Variants in WHR1 observed in about 807,000 individuals in gnomAD.
WHR1 encodes winged helix repair factor 1, also known as MHC class III HLA-RP1.
chr6:31,972,733 C>T, the WHR1 span: 12 of 1,613,118 alleles, frequency 7.4e-6, no homozygotes, highest in African/African-American at 1.6e-4. The surrounding 1 kb of genome is among the most constrained non-coding windows in gnomAD (Gnocchi z 6.3). Flanking sequence ...TTGTGCCTGA[C>T]AGGACCGTGG....
chr6:31,972,594 T>A, the WHR1 span: 1 of 1,599,412 alleles, frequency 6.3e-7, no homozygotes, highest in Non-Finnish European at 8.6e-7. This position sits in a 1 kb window ranked among gnomAD's most constrained non-coding sequence, Gnocchi z 6.3. Flanking sequence ...CCCAGTTCCC[T>A]GTCCGTGAGC....
the WHR1 span, chr6:31,972,210 G>A: frequency 6.2e-7 from 1 of 1,612,564 alleles, no homozygotes; most frequent in South Asian, 1.1e-5. This position sits in a 1 kb window ranked among gnomAD's most constrained non-coding sequence, Gnocchi z 6.3. Context: ...TGGCGGAGGT[G>A]ATGCTGGTAT....
At chr6:31,971,436 G>A in the WHR1 span, 1 of 1,611,698 alleles carries the variant, frequency 6.2e-7, no homozygotes, top group Non-Finnish European at 8.5e-7. This position sits in a 1 kb window ranked among gnomAD's most constrained non-coding sequence, Gnocchi z 4.5. Context: ...GGTCAAAGTT[G>A]GGGCCTGGAC....
the WHR1 span, chr6:31,979,152 G>A: frequency 1.4e-6 from 1 of 700,420 alleles, no homozygotes; most frequent in African/African-American, 1.8e-5. Flanking sequence ...GTAATATGAG[G>A]GAGAGAGACA....
At chr6:31,979,716 C>G in the WHR1 span, 1 of 895,160 alleles carries the variant, frequency 1.1e-6, no homozygotes, top group South Asian at 1.8e-5. Context: ...TATTCCTCCC[C>G]ACAAGAGAGG....
chr6:31,977,595 C>G, the WHR1 span, among the ~76,000 whole-genome samples: 1 of 151,970 alleles, frequency 6.6e-6, no homozygotes, highest in Non-Finnish European at 1.5e-5. Context: ...GTGATCCACC[C>G]GTCTCAGCCT....
At chr6:31,972,292 C>T in the WHR1 span, 2 of 1,613,140 alleles carry the variant, frequency 1.2e-6, no homozygotes, top group Non-Finnish European at 1.7e-6. The surrounding 1 kb of genome is among the most constrained non-coding windows in gnomAD (Gnocchi z 6.3). Flanking sequence ...TTCGTCATCA[C>T]CTGGTCTAGG....
At chr6:31,980,723 G>A in the WHR1 span, 2 of 1,608,942 alleles carry the variant, frequency 1.2e-6, no homozygotes, top group Middle Eastern at 1.8e-4. Flanking sequence ...GAGCTCCTGG[G>A]CCGGCGGGCG....
At chr6:31,976,108 G>T in the WHR1 span, among the ~76,000 whole-genome samples, 1 of 145,332 alleles carries the variant, frequency 6.9e-6, no homozygotes, top group East Asian at 2.1e-4. Flanking sequence ...CCTCCCTCCC[G>T]GACGGGGCGG....
At chr6:31,977,565 G>A in the WHR1 span, among the ~76,000 whole-genome samples, 1 of 151,840 alleles carries the variant, frequency 6.6e-6, no homozygotes, top group East Asian at 1.9e-4. Flanking sequence ...TAGCCAGGAT[G>A]GTCTTGATCT....
At chr6:31,979,792 A>G in the WHR1 span, 2 of 496,272 alleles carry the variant, frequency 4.0e-6, no homozygotes, top group Middle Eastern at 5.4e-4. Flanking sequence ...TGGCTTATCA[A>G]AAGCACACAG....
At chr6:31,973,049 A>G in the WHR1 span, 1 of 666,416 alleles carries the variant, frequency 1.5e-6, no homozygotes, top group South Asian at 1.5e-5. Flanking sequence ...GGCCTTGTAC[A>G]TCAGTGTTGT....
At chr6:31,971,214 T>C in the WHR1 span, 12 of 1,573,738 alleles carry the variant, frequency 7.6e-6, no homozygotes, top group Admixed American at 1.8e-5. The surrounding 1 kb of genome is among the most constrained non-coding windows in gnomAD (Gnocchi z 4.5). Flanking sequence ...CCTCGAAGAA[T>C]AGTCTTGTTT....
At chr6:31,972,650 A>C in the WHR1 span, 3 of 1,613,582 alleles carry the variant, frequency 1.9e-6, no homozygotes, top group Non-Finnish European at 2.5e-6. This position sits in a 1 kb window ranked among gnomAD's most constrained non-coding sequence, Gnocchi z 6.3. Flanking sequence ...CTCAGAACTC[A>C]TGCAGCTGTT....
At chr6:31,979,297 T>C in the WHR1 span, 40 of 1,317,328 alleles carry the variant, frequency 3.0e-5, no homozygotes, top group Non-Finnish European at 3.9e-5. Context: ...AAGAAGGGTA[T>C]GAGAGGTGGA....
At chr6:31,972,990 G>A in the WHR1 span, 1 of 752,654 alleles carries the variant, frequency 1.3e-6, no homozygotes, top group Non-Finnish European at 2.3e-6. This position sits in a 1 kb window ranked among gnomAD's most constrained non-coding sequence, Gnocchi z 6.3. Flanking sequence ...CATGGGGCAT[G>A]GTTCGAACAT....
the WHR1 span, among the ~76,000 whole-genome samples, chr6:31,973,927 C>G: frequency 6.6e-6 from 1 of 152,078 alleles, no homozygotes. Flanking sequence ...GATCCACTGA[C>G]ATAAAGGGAA....
At chr6:31,980,391 G>C in the WHR1 span, 6 of 1,428,988 alleles carry the variant, frequency 4.2e-6, no homozygotes, top group Admixed American at 1.3e-4. Flanking sequence ...TAATGGATGA[G>C]GAGGAGAGAT....
chr6:31,975,898 C>T, the WHR1 span, among the ~76,000 whole-genome samples: 25 of 149,592 alleles, frequency 1.7e-4, no homozygotes, highest in South Asian at 4.2e-4. Context: ...GGCGGCTGGC[C>T]GGGCGGGGGG....
Sources: gnomAD v4.1 joint callset for allele counts (sites outside exome capture counted in the v4.1 genomes callset) on GRCh38, gnomAD v4.1.1 for gene constraint, Gnocchi (gnomAD v3.1) non-coding constraint, MANE v1.5 for transcripts, NCBI Gene and HGNC (gene_info 2026-07-23, HGNC 2026-07-21) for gene names.